Variants in POU6F2 observed in about 807,000 individuals in gnomAD.
POU6F2 encodes the protein POU class 6 homeobox 2.
Under a neutral mutation model 71.3 loss-of-function variants are expected in POU6F2, and 31 were observed. The observed-to-expected ratio is 0.43, with a 90% CI of 0.33 to 0.59. POU6F2 has a LOEUF of 0.59. POU6F2 is among the 20% of genes least tolerant of loss of function. The pLI is 0.04. For synonymous variants in POU6F2, 347 were observed against 355.7 expected, an observed-to-expected ratio of 0.98 and a Z score of 0.27; for missense variants, 783 against 856.8, an observed-to-expected ratio of 0.91 and a Z score of 1.07.
chr7:38,988,086 G>A (rs1452164053), intron 1 of POU6F2, among the ~76,000 whole-genome samples: 1 of 152,110 alleles, frequency 6.6e-6, no homozygotes, highest in Non-Finnish European at 1.5e-5. Context: ...AGCTTTAGAA[G>A]TAAGTACAGA....
intron 5 of POU6F2, among the ~76,000 whole-genome samples, chr7:39,347,670 C>T (rs1219979821): frequency 6.9e-6 from 1 of 145,710 alleles, no homozygotes; most frequent in Non-Finnish European, 1.5e-5. Context: ...ATCTCACTGT[C>T]ACCCAGGCTG....
chr7:39,383,376 A>C (rs186084315), intron 5 of POU6F2, among the ~76,000 whole-genome samples: 7 of 152,194 alleles, frequency 4.6e-5, no homozygotes, highest in African/African-American at 1.7e-4. Flanking sequence ...TGTCTATGAC[A>C]TAAGAACCTC....
At chr7:39,141,024 T>C (rs1792487566) in intron 2 of POU6F2, among the ~76,000 whole-genome samples, 1 of 152,086 alleles carries the variant, frequency 6.6e-6, no homozygotes, top group Non-Finnish European at 1.5e-5. Flanking sequence ...TTGTGGCCAG[T>C]CTTAACGTCA....
chr7:38,994,246 G>A (rs978693773), intron 1 of POU6F2, among the ~76,000 whole-genome samples: 2 of 152,026 alleles, frequency 1.3e-5, no homozygotes, highest in Non-Finnish European at 2.9e-5. Context: ...TCACTCAGTT[G>A]GTCAGGAAAG....
At chr7:38,999,048 T>C (rs936803662) in intron 1 of POU6F2, among the ~76,000 whole-genome samples, 1 of 152,028 alleles carries the variant, frequency 6.6e-6, no homozygotes, top group African/African-American at 2.4e-5. Flanking sequence ...GCTTAATGAC[T>C]CAACAGTGGA....
At chr7:39,429,803 A>T (rs1464664508) in intron 6 of POU6F2, among the ~76,000 whole-genome samples, 1 of 152,200 alleles carries the variant, frequency 6.6e-6, no homozygotes, top group African/African-American at 2.4e-5. Context: ...CAAAGAAGAG[A>T]TTCCCCTACA....
chr7:39,155,500 A>G (rs1002627548), intron 2 of POU6F2, among the ~76,000 whole-genome samples: 8 of 152,222 alleles, frequency 5.3e-5, no homozygotes, highest in African/African-American at 1.9e-4. Flanking sequence ...CTGGAGGAGT[A>G]TAATTCCCAT....
chr7:39,265,847 C>T (rs935492518), intron 4 of POU6F2, among the ~76,000 whole-genome samples: 4 of 152,322 alleles, frequency 2.6e-5, no homozygotes, highest in Admixed American at 6.5e-5. Context: ...GGTGTGCAGA[C>T]GACTCACTAT....
chr7:39,055,025 A>G (rs1407668889), intron 1 of POU6F2, among the ~76,000 whole-genome samples: 1 of 152,100 alleles, frequency 6.6e-6, no homozygotes, highest in Admixed American at 6.6e-5. Context: ...TTGCTATTTA[A>G]AAAGATCACT....
At chr7:39,404,207 AAC>A (rs1396034600) in intron 5 of POU6F2, among the ~76,000 whole-genome samples, 1 of 152,220 alleles carries the variant, frequency 6.6e-6, no homozygotes, top group East Asian at 1.9e-4. Flanking sequence ...CTGACCCCAA[AAC>A]ACAAAAGCTT....
intron 1 of POU6F2, among the ~76,000 whole-genome samples, chr7:39,048,251 G>A (rs1790331087): frequency 6.6e-6 from 1 of 151,558 alleles, no homozygotes; most frequent in South Asian, 2.1e-4. Flanking sequence ...GTGCAGTTTT[G>A]TTACATAGCT....
intron 2 of POU6F2, among the ~76,000 whole-genome samples, chr7:39,172,012 T>C (rs2128739296): frequency 6.6e-6 from 1 of 152,318 alleles, no homozygotes; most frequent in South Asian, 2.1e-4. Flanking sequence ...TGGTTCACTT[T>C]GCCAAAGCAT....
chr7:39,133,046 A>G (rs528816925), intron 2 of POU6F2, among the ~76,000 whole-genome samples: 3 of 152,358 alleles, frequency 2.0e-5, no homozygotes, highest in African/African-American at 7.2e-5. Flanking sequence ...TCCCGCTCAT[A>G]AAACATCACA....
At chr7:39,318,140 A>G (rs1231221871) in intron 4 of POU6F2, among the ~76,000 whole-genome samples, 1 of 152,224 alleles carries the variant, frequency 6.6e-6, no homozygotes, top group Non-Finnish European at 1.5e-5. Flanking sequence ...GATAATTTAC[A>G]GGCCAGCTAC....
chr7:39,066,930 A>C (rs1464396839), intron 1 of POU6F2, among the ~76,000 whole-genome samples: 1 of 148,018 alleles, frequency 6.8e-6, no homozygotes, highest in African/African-American at 2.4e-5. Context: ...TAACATATTA[A>C]TATAACAGAA....
At chr7:39,106,176 G>A (rs1791681653) in intron 2 of POU6F2, among the ~76,000 whole-genome samples, 1 of 152,184 alleles carries the variant, frequency 6.6e-6, no homozygotes, top group Non-Finnish European at 1.5e-5. Context: ...GATAATGATT[G>A]CATAGACTAG....
chr7:39,144,535 C>G (rs1359637349), intron 2 of POU6F2, among the ~76,000 whole-genome samples: 2 of 152,088 alleles, frequency 1.3e-5, no homozygotes, highest in Non-Finnish European at 2.9e-5. Context: ...AAGTAAATAA[C>G]TAGATTATTT....
intron 6 of POU6F2, among the ~76,000 whole-genome samples, chr7:39,432,233 A>G (rs1358963301): frequency 6.6e-6 from 1 of 152,146 alleles, no homozygotes; most frequent in African/African-American, 2.4e-5. Flanking sequence ...CGTTGAAGCC[A>G]GAAGCCACTG....
chr7:39,019,944 G>A (rs1182566086), intron 1 of POU6F2, among the ~76,000 whole-genome samples: 1 of 152,072 alleles, frequency 6.6e-6, no homozygotes, highest in African/African-American at 2.4e-5. Flanking sequence ...ATTTTTCTCA[G>A]AATCTGGTAA....
Sources: gnomAD v4.1 joint callset for allele counts (sites outside exome capture counted in the v4.1 genomes callset) on GRCh38, gnomAD v4.1.1 for gene constraint, MANE v1.5 for transcripts, NCBI Gene and HGNC (gene_info 2026-07-23, HGNC 2026-07-21) for gene names.